P3H4: variants seen among roughly 807,000 people sequenced by gnomAD.
P3H4 encodes the protein prolyl 3-hydroxylase family member 4 (inactive).
P3H4 carries 47 observed loss-of-function variants against 52.9 expected under a neutral mutation model. That is an observed-to-expected ratio of 0.89 (90% confidence interval 0.70 to 1.13). The LOEUF is 1.13. Among genes scored for constraint, P3H4 ranks in the 50% most tolerant of loss-of-function variants. The pLI, the probability that P3H4 is intolerant of heterozygous loss-of-function variation, is 0.00. For synonymous variants in P3H4, 256 were observed against 267.9 expected, an observed-to-expected ratio of 0.96 and a Z score of 0.44; for missense variants, 585 against 611.0, an observed-to-expected ratio of 0.96 and a Z score of 0.45.
chr17:41,806,227 A>T (rs149576225), intron 6 of P3H4, among the ~76,000 whole-genome samples: 17,148 of 152,024 alleles, frequency 0.11, 1,128 homozygotes, highest in East Asian at 0.31. Flanking sequence ...TCAAAAAAAA[A>T]AAATAAATAA....
In P3H4 at chr17:41,811,021, C is replaced by G; in HGVS notation, c.629G>C (p.Arg210Pro). 1 of 1,612,752 alleles carries G rather than the reference C, an allele frequency of 6.2e-7. No individual in the cohort carries two copies. The highest frequency in any genetic ancestry group is 8.5e-7 in the Non-Finnish European group (1 of 1,179,006). ...EAQPYEAVFLRAVKLYNSGDF... is the reference protein window; with the variant it reads ...EAQPYEAVFLPAVKLYNSGDF... ...CCCGCTGTTGTAGAGCTTCACAGCC[C>G]GGAGGAACACGGCCTGGAAGGGGCG... Residue 210 changes from arginine to proline, a missense_variant, in exon 3 of 8, where the codon CGG (arginine) becomes CCG (proline). Coordinates refer to ENST00000393928, the MANE Select transcript of P3H4 (RefSeq NM_006455.3). This position sits in a 1 kb window ranked among gnomAD's most constrained non-coding sequence, Gnocchi z 4.8.
chr17:41,811,919 C>G lies in P3H4; in HGVS notation c.-4G>C. The G allele has an allele frequency of 6.7e-7, 1 of 1,499,964 alleles. No individual in the cohort carries two copies. Among genetic ancestry groups the G allele is most frequent in the Non-Finnish European group, 8.8e-7 (1 of 1,133,352 alleles). The allele number at this position is 1,499,964 out of a possible 1,614,324, so 92.9% of individuals were successfully genotyped here. ...GCCCCCACGCCACCCGAGCCATGCC[C>G]GCCGCGCCGCCGGCTCTCCGGAGCT... On this transcript the variant is annotated 5_prime_UTR_variant, in exon 1 of 8. Coordinates refer to ENST00000393928, the MANE Select transcript of P3H4 (RefSeq NM_006455.3). The surrounding 1 kb of genome is among the most constrained non-coding windows in gnomAD (Gnocchi z 4.8).
chr17:41,808,354 C>T (rs1343833720), intron 4 of P3H4, among the ~76,000 whole-genome samples: 1 of 152,114 alleles, frequency 6.6e-6, no homozygotes, highest in Non-Finnish European at 1.5e-5. Context: ...GCTGGGATTA[C>T]AAGCAGGCAC....
In P3H4 at chr17:41,802,648, T is replaced by C; in HGVS notation, c.*309A>G. On this transcript the variant is annotated 3_prime_UTR_variant, in exon 8 of 8. Transcript: ENST00000393928. ...TTCACTGCAACCTTTGCCTCCCAGG[T>C]TCAAGCGATTCTCCTGCCTCAGCCT... 1 of 312,980 alleles carries C rather than the reference T, an allele frequency of 3.2e-6. No individual in the cohort carries two copies. Among genetic ancestry groups the C allele is most frequent in the Non-Finnish European group, 5.9e-6 (1 of 169,840 alleles). The allele number at this position is 312,980 out of a possible 1,614,324, so 19.4% of individuals were successfully genotyped here.
chr17:41,802,861 T>C lies in P3H4; in HGVS notation c.*96A>G, dbSNP rs2047632043. On this transcript the variant is annotated 3_prime_UTR_variant, in exon 8 of 8. Transcript: ENST00000393928. ...GCCACCGCACCTGGCCCATCTTAAGTTTTTAATAAATAGTTCTTGCTGCTG... is the reference window on the plus strand; with the variant it reads ...GCCACCGCACCTGGCCCATCTTAAGCTTTTAATAAATAGTTCTTGCTGCTG... The C allele has an allele frequency of 1.4e-6, 2 of 1,381,042 alleles. No individual in the cohort carries two copies. Among genetic ancestry groups the C allele is most frequent in the South Asian group, 2.4e-5 (2 of 83,156 alleles). 85.5% of individuals were successfully genotyped at this position (1,381,042 alleles called of 1,614,324 possible). A position where few individuals can be genotyped will look rare whatever the true frequency, so the allele number is the denominator to read the frequency against.
chr17:41,808,301 T>A (rs576521929), intron 4 of P3H4, among the ~76,000 whole-genome samples: 4 of 152,178 alleles, frequency 2.6e-5, no homozygotes, highest in Admixed American at 1.3e-4. Context: ...TCAAGCTTGA[T>A]CTCCCAGGCT....
rs1555613577 is a variant in P3H4 at position 41,802,007 on chromosome 17, T to G, written c.*950A>C. 6.6e-6 allele frequency: 1 copy of G among 152,460 alleles called. No individual in the cohort carries two copies. The highest frequency in any genetic ancestry group is 1.5e-5 in the Non-Finnish European group (1 of 68,052). 9.4% of individuals were successfully genotyped at this position (152,460 alleles called of 1,614,324 possible). A position where few individuals can be genotyped will look rare whatever the true frequency, so the allele number is the denominator to read the frequency against. ...CTACTGGTCAGGGCCCTGGAACCAC[T>G]AGACTCTTAGTCCAGTGCTCTTCAG... On this transcript the variant is annotated 3_prime_UTR_variant, in exon 8 of 8. Coordinates refer to ENST00000393928, the MANE Select transcript of P3H4 (RefSeq NM_006455.3).
rs2047742067 is a variant in P3H4 at position 41,811,742 on chromosome 17, G to A, written c.174C>T (p.Tyr58=). Residue 58 remains tyrosine (Y), a synonymous_variant, in exon 1 of 8, where the codon TAC becomes TAT. Coordinates refer to ENST00000393928, the MANE Select transcript of P3H4 (RefSeq NM_006455.3). This position sits in a 1 kb window ranked among gnomAD's most constrained non-coding sequence, Gnocchi z 4.8. ...EGESWRESAR[Y]LEAALRLHRL... ...GGTGCAGCCGCAGCGCCGCCTCCAGGTAGCGCGCGCTCTCGCGCCAGCTCT... is the reference window on the plus strand; with the variant it reads ...GGTGCAGCCGCAGCGCCGCCTCCAGATAGCGCGCGCTCTCGCGCCAGCTCT... The A allele has an allele frequency of 5.3e-6, 8 of 1,519,136 alleles. No individual in the cohort carries two copies. The highest frequency in any genetic ancestry group is 7.0e-6 in the Non-Finnish European group (8 of 1,145,454). The allele number at this position is 1,519,136 out of a possible 1,614,324, so 94.1% of individuals were successfully genotyped here.
In P3H4 at chr17:41,803,573, G is replaced by C. The variant is rs921526450; in HGVS notation, c.1147-142C>G. On this transcript the variant is annotated intron_variant, in intron 6 of 7. Coordinates refer to ENST00000393928, the MANE Select transcript of P3H4 (RefSeq NM_006455.3). Reference sequence around the variant, plus strand: ...CCCCTCCCCAGTCTCAAGATCTAATGAGACAGTCCTGAGGATTTTTCCCAA... The same window carrying C: ...CCCCTCCCCAGTCTCAAGATCTAATCAGACAGTCCTGAGGATTTTTCCCAA... 5 of 739,014 alleles carry C rather than the reference G, an allele frequency of 6.8e-6. No homozygotes were observed. The Admixed American group carries it at 1.5e-4, about 22-fold the overall frequency. 45.8% of individuals were successfully genotyped at this position (739,014 alleles called of 1,614,324 possible). A position where few individuals can be genotyped will look rare whatever the true frequency, so the allele number is the denominator to read the frequency against.
intron 7 of P3H4, 77 bp downstream of exon 7, chr17:41,803,210 C>A: frequency 6.5e-7 from 1 of 1,545,836 alleles, no homozygotes; most frequent in Non-Finnish European, 8.7e-7. Context: ...GGCTCCGGAG[C>A]CCAGCGGGTG....
At chr17:41,805,836 G>A (rs782523539) in intron 6 of P3H4, among the ~76,000 whole-genome samples, 15 of 152,098 alleles carry the variant, frequency 9.9e-5, no homozygotes, top group Non-Finnish European at 1.6e-4. Context: ...GGGTGGGGGC[G>A]TGGGGGCATG....
In P3H4 at chr17:41,810,850, G is replaced by C. The variant is rs1555614881; in HGVS notation, c.787+13C>G. 2 of 1,608,568 alleles carry C rather than the reference G, an allele frequency of 1.2e-6. No homozygotes were observed. The highest frequency in any genetic ancestry group is 8.5e-7 in the Non-Finnish European group (1 of 1,176,186). ...GTGAGAGGACCGCCCACCGTGGTCT[G>C]GGTGGCAGATACCTGCTATGGCCGG... is the stretch of plus-strand genomic sequence containing the variant. On this transcript the variant is annotated intron_variant, in intron 3 of 7. Transcript: ENST00000393928.
chr17:41,804,325 C>T (rs1366609648), intron 6 of P3H4, among the ~76,000 whole-genome samples: 3 of 151,796 alleles, frequency 2.0e-5, no homozygotes, highest in Non-Finnish European at 4.4e-5. Context: ...AAGAGACAGC[C>T]GTCAAAATGG....
Position 41,802,939 on chromosome 17 carries a change from GT to G in P3H4, c.*17del. The G allele has an allele frequency of 2.5e-6, 4 of 1,611,690 alleles. No individual in the cohort carries two copies. In the Admixed American group the frequency reaches 6.7e-5, roughly 27 times the overall value. ...GCACCAGGCTTCCCAAGCTTGAGCG[GT>G]GTGGGGTGTCCCCTTCTCATGCGAG... On this transcript the variant is annotated 3_prime_UTR_variant, in exon 8 of 8. Coordinates refer to ENST00000393928, the MANE Select transcript of P3H4 (RefSeq NM_006455.3).
Position 41,807,842 on chromosome 17 carries a change from C to T in P3H4, c.1062+17G>A. ...CAAAGTGCATATCCAGCAAGTGCCC[C>T]AGAAAGCAGTGCCCACCTCCCGGGG... On this transcript the variant is annotated intron_variant, in intron 5 of 7. Transcript: ENST00000393928. 6.2e-7 allele frequency: 1 copy of T among 1,606,916 alleles called. No individual in the cohort carries two copies. Among genetic ancestry groups the T allele is most frequent in the Non-Finnish European group, 8.5e-7 (1 of 1,176,834 alleles).
chr17:41,811,442 G>A lies in P3H4; in HGVS notation c.462+12C>T, dbSNP rs2047735864. ...GCCCGAGACAGGTCCCCGGGTGGGG[G>A]CGGGCTCCCACCTTGAACAGCGCGT... is the stretch of plus-strand genomic sequence containing the variant. On this transcript the variant is annotated intron_variant, in intron 1 of 7. Transcript: ENST00000393928. This position sits in a 1 kb window ranked among gnomAD's most constrained non-coding sequence, Gnocchi z 4.8. 6.2e-7 allele frequency: 1 copy of A among 1,611,670 alleles called. No homozygotes were observed. Among genetic ancestry groups the A allele is most frequent in the African/African-American group, 1.3e-5 (1 of 74,924 alleles).
At chr17:41,805,267 C>A (rs534595889) in intron 6 of P3H4, among the ~76,000 whole-genome samples, 1 of 106,934 alleles carries the variant, frequency 9.4e-6, no homozygotes, top group Non-Finnish European at 2.1e-5. Flanking sequence ...CCAGCATGGG[C>A]GACAGAGCGA....
In P3H4 at chr17:41,811,705, C is replaced by G. The variant is rs782230442; in HGVS notation, c.211G>C (p.Asp71His). 1.4e-6 allele frequency: 2 copies of G among 1,476,198 alleles called. No homozygotes were observed. Among genetic ancestry groups the G allele is most frequent in the African/African-American group, 1.5e-5 (1 of 68,180 alleles). The allele number at this position is 1,476,198 out of a possible 1,614,324, so 91.4% of individuals were successfully genotyped here. ...TTGGCGTGGCAGAAGGCCTCGCTGT[C>G]GCGCAGGAGCCGGTGCAGCCGCAGC... Reference protein sequence around the residue: ...AALRLHRLLRDSEAFCHANCS... With the variant: ...AALRLHRLLRHSEAFCHANCS... The change falls in exon 1 of 8, where the codon GAC (aspartate) becomes CAC (histidine). Residue 71 changes from aspartate to histidine, a missense_variant. By Grantham distance (81) the Asp-to-His change is moderately conservative (BLOSUM62 -1). Coordinates refer to ENST00000393928, the MANE Select transcript of P3H4 (RefSeq NM_006455.3). This position sits in a 1 kb window ranked among gnomAD's most constrained non-coding sequence, Gnocchi z 4.8.
chr17:41,807,171 A>C (rs1555614305), intron 5 of P3H4: 1 of 451,488 alleles, frequency 2.2e-6, no homozygotes, highest in Non-Finnish European at 4.0e-6. Flanking sequence ...CCTCAACTCC[A>C]ACAGATTTCC....
Sources: allele counts gnomAD v4.1 joint callset (sites outside exome capture counted in the v4.1 genomes callset), GRCh38; gene constraint gnomAD v4.1.1; non-coding constraint Gnocchi (gnomAD v3.1); transcripts MANE v1.5; gene names NCBI Gene and HGNC (gene_info 2026-07-23, HGNC 2026-07-21).